The following SORL1 variants were observed in gnomAD, a reference collection of about 807,000 sequenced individuals.
SORL1 encodes sortilin related receptor 1.
Under a neutral mutation model 273.7 loss-of-function variants are expected in SORL1, and 127 were observed. The ratio of observed to expected loss-of-function variants is 0.46; its 90% CI spans 0.40 to 0.54. SORL1 has a LOEUF of 0.54. Ranked by LOEUF, SORL1 falls within the 20% of genes least tolerant of loss-of-function variation. SORL1 has a pLI of 0.00. For missense variants in SORL1, 2,494 were observed against 2,846.1 expected (o/e 0.88, Z 2.81); for synonymous variants, 1,031 against 1,067.4 (o/e 0.97, Z 0.66).
chr11:121,549,666 T>G (rs927506621), intron 14 of SORL1, among the ~76,000 whole-genome samples: 1 of 119,688 alleles, frequency 8.4e-6, no homozygotes, highest in African/African-American at 3.0e-5. Context: ...AGGTCCAGAG[T>G]CTTAAATTGG....
At chr11:121,498,028 A>T (rs1175888078) in intron 6 of SORL1, among the ~76,000 whole-genome samples, 2 of 152,254 alleles carry the variant, frequency 1.3e-5, no homozygotes, top group Non-Finnish European at 2.9e-5. Context: ...GAGTAAGGAC[A>T]GAATGAGAAG....
chr11:121,464,100 A>G (rs1026859161), intron 1 of SORL1, among the ~76,000 whole-genome samples: 16 of 152,352 alleles, frequency 1.1e-4, no homozygotes, highest in African/African-American at 3.6e-4. Context: ...CTAGTGAAGC[A>G]GAGAAATGAA....
At chr11:121,573,430 G>T (rs1862878323) in intron 23 of SORL1, among the ~76,000 whole-genome samples, 1 of 152,110 alleles carries the variant, frequency 6.6e-6, no homozygotes. Flanking sequence ...TGGCCAACAT[G>T]GCAAAACCCC....
chr11:121,629,060 C>T lies in SORL1; in HGVS notation c.6578-436C>T, dbSNP rs77995164. ...AGGGGACAGCTGTTAGTCTGGGAAG[C>T]TGTCCTCAAAATGCTTAAACTCCTC... On this transcript the variant is annotated intron_variant, in intron 47 of 47. Transcript: ENST00000260197. 39 of 163,300 alleles carry T rather than the reference C, an allele frequency of 2.4e-4. No individual in the cohort carries two copies. The East Asian group carries it at 6.9e-3, about 29-fold the overall frequency. The allele number at this position is 163,300 out of a possible 1,614,324, so 10.1% of individuals were successfully genotyped here. A position where few individuals can be genotyped will look rare whatever the true frequency, so the allele number is the denominator to read the frequency against.
intron 13 of SORL1, among the ~76,000 whole-genome samples, 156 bp from the exon 14 acceptor site, chr11:121,545,087 C>T (rs1862405510): frequency 6.6e-6 from 1 of 152,186 alleles, no homozygotes; most frequent in South Asian, 2.1e-4. Flanking sequence ...ATAGGGCTGC[C>T]CAGCTTCAAA....
At position 121,633,189 on chromosome 11, in the gene SORL1, A is replaced by C. The variant is rs1371361042; in HGVS notation, c.*3626A>C. ...ACATGGACAGTAAGTGTGTTTTCAG[A>C]TGGAGTACCAGCACCGAAAATGGGT... is the stretch of plus-strand genomic sequence containing the variant. On this transcript the variant is annotated 3_prime_UTR_variant, in exon 48 of 48. Transcript: ENST00000260197. The C allele has an allele frequency of 6.6e-6, 1 of 152,182 alleles. No homozygotes were observed. Among genetic ancestry groups the C allele is most frequent in the Non-Finnish European group, 1.5e-5 (1 of 68,030 alleles). The allele number at this position is 152,182 out of a possible 1,614,324, so 9.4% of individuals were successfully genotyped here.
At chr11:121,476,879 A>T (rs1271318358) in intron 2 of SORL1, among the ~76,000 whole-genome samples, 1 of 150,876 alleles carries the variant, frequency 6.6e-6, no homozygotes, top group Non-Finnish European at 1.5e-5. Context: ...GCAGCCGGAA[A>T]CTCCTGGGCT....
intron 6 of SORL1, among the ~76,000 whole-genome samples, chr11:121,499,940 A>T (rs1379488649): frequency 6.6e-6 from 1 of 152,248 alleles, no homozygotes; most frequent in Non-Finnish European, 1.5e-5. Context: ...CTACTGTTTC[A>T]GCCCCCTGGC....
At chr11:121,462,957 T>C (rs1329905311) in intron 1 of SORL1, among the ~76,000 whole-genome samples, 1 of 152,182 alleles carries the variant, frequency 6.6e-6, no homozygotes, top group African/African-American at 2.4e-5. Flanking sequence ...TGAGGGGCTA[T>C]TCATGGTGAA....
intron 27 of SORL1, among the ~76,000 whole-genome samples, chr11:121,587,799 C>A (rs775990165): frequency 7.2e-5 from 11 of 152,150 alleles, no homozygotes; most frequent in Non-Finnish European, 1.6e-4. Context: ...TTTGAATTAG[C>A]GACAATAAAA....
intron 27 of SORL1, among the ~76,000 whole-genome samples, chr11:121,587,107 G>A (rs1863127831): frequency 6.6e-6 from 1 of 152,234 alleles, no homozygotes. Flanking sequence ...GACTTGAGCA[G>A]TTGTGACAGA....
chr11:121,568,104 C>T (rs1862780069), intron 22 of SORL1, among the ~76,000 whole-genome samples: 1 of 152,164 alleles, frequency 6.6e-6, no homozygotes, highest in Admixed American at 6.5e-5. Flanking sequence ...CCAGTCTGGT[C>T]TTGAACATCT....
chr11:121,511,167 C>T (rs1423573114), intron 6 of SORL1, among the ~76,000 whole-genome samples: 1 of 151,586 alleles, frequency 6.6e-6, no homozygotes, highest in East Asian at 1.9e-4. Context: ...GTAGTGGGAT[C>T]GATGCATTTT....
At chr11:121,515,894 G>A (rs769556364) in intron 8 of SORL1, among the ~76,000 whole-genome samples, 5 of 152,106 alleles carry the variant, frequency 3.3e-5, no homozygotes, top group Non-Finnish European at 4.4e-5. Context: ...TGATCTGCCC[G>A]CCTTGGACTC....
chr11:121,503,113 T>C (rs1228441319), intron 6 of SORL1, among the ~76,000 whole-genome samples: 2 of 152,086 alleles, frequency 1.3e-5, no homozygotes, highest in Admixed American at 1.3e-4. Flanking sequence ...CAAGCAGTCC[T>C]CCCACCTTGG....
intron 14 of SORL1, among the ~76,000 whole-genome samples, chr11:121,546,648 T>A (rs1267761335): frequency 1.3e-5 from 2 of 152,206 alleles, no homozygotes; most frequent in African/African-American, 4.8e-5. Flanking sequence ...AGTAAATGTT[T>A]TAGACTTTGT....
intron 38 of SORL1, chr11:121,609,585 A>G (rs929078289): frequency 3.3e-5 from 5 of 152,226 alleles, no homozygotes; most frequent in Non-Finnish European, 7.3e-5. Flanking sequence ...AGCTGCTTGC[A>G]TATATTTGGG....
intron 1 of SORL1, among the ~76,000 whole-genome samples, chr11:121,459,261 G>A (rs1399074907): frequency 6.6e-6 from 1 of 152,232 alleles, no homozygotes; most frequent in African/African-American, 2.4e-5. Context: ...TGGCTACTGT[G>A]TAGACAGCAC....
intron 6 of SORL1, among the ~76,000 whole-genome samples, chr11:121,511,266 G>T (rs910290648): frequency 6.6e-6 from 1 of 151,950 alleles, no homozygotes; most frequent in Non-Finnish European, 1.5e-5. Context: ...TAATACTCAG[G>T]CCTCCCAGCA....
Sources: gnomAD v4.1 joint callset for allele counts (sites outside exome capture counted in the v4.1 genomes callset) on GRCh38, gnomAD v4.1.1 for gene constraint, MANE v1.5 for transcripts, NCBI Gene and HGNC (gene_info 2026-07-23, HGNC 2026-07-21) for gene names.